The following UGT2A3 variants were observed in gnomAD, a reference collection of about 807,000 sequenced individuals.
The protein encoded by UGT2A3 is UDP-glucuronosyltransferase 2A3.
Under a neutral mutation model 44.1 loss-of-function variants are expected in UGT2A3, and 55 were observed. The observed-to-expected ratio is 1.25, with a 90% confidence interval of 1.00 to 1.56. The LOEUF is 1.56. Ranked by LOEUF, UGT2A3 falls within the 40% of genes most tolerant of loss-of-function variation. UGT2A3 has a pLI of 0.00. For synonymous variants in UGT2A3, 243 were observed against 215.1 expected (o/e 1.13, Z -1.13); for missense variants, 733 against 621.6 (o/e 1.18, Z -1.91).
intron 3 of UGT2A3, 100 bp from the exon 4 acceptor site, chr4:68,931,342 G>A (rs1195411810): frequency 1.6e-5 from 15 of 947,148 alleles, no homozygotes; most frequent in Non-Finnish European, 2.4e-5. Context: ...TGTACTTCAG[G>A]TGATGGTTGA....
intron 2 of UGT2A3, among the ~76,000 whole-genome samples, chr4:68,936,888 CAAAAAAAAAAAA>C: frequency 4.3e-5 from 2 of 46,340 alleles, no homozygotes; most frequent in South Asian, 2.5e-3. Context: ...AAATGGAAAG[CAAAAAAAAAAAA>C]AAAAAAAAAG....
intron 2 of UGT2A3, among the ~76,000 whole-genome samples, chr4:68,944,173 G>A (rs1481283195): frequency 4.6e-5 from 7 of 151,800 alleles, no homozygotes; most frequent in African/African-American, 1.7e-4. Flanking sequence ...ATCTGGCCTT[G>A]TCAGGGTTTC....
At chr4:68,936,189 T>C (rs1187936775) in intron 2 of UGT2A3, among the ~76,000 whole-genome samples, 1 of 152,010 alleles carries the variant, frequency 6.6e-6, no homozygotes, top group Non-Finnish European at 1.5e-5. Context: ...CAGGCCAACA[T>C]TCAAATTCAG....
At chr4:68,939,949 G>A (rs973245602) in intron 2 of UGT2A3, among the ~76,000 whole-genome samples, 2 of 152,168 alleles carry the variant, frequency 1.3e-5, no homozygotes, top group Non-Finnish European at 2.9e-5. Flanking sequence ...ATGAAAAAAT[G>A]CTCATCATCA....
intron 2 of UGT2A3, among the ~76,000 whole-genome samples, chr4:68,938,182 G>A (rs1196378243): frequency 2.0e-5 from 3 of 152,066 alleles, no homozygotes; most frequent in African/African-American, 7.2e-5. Context: ...TAGAAAAAGA[G>A]AGAATCCTCC....
intron 1 of UGT2A3, among the ~76,000 whole-genome samples, chr4:68,946,029 A>G (rs940553196): frequency 5.9e-5 from 9 of 151,564 alleles, no homozygotes; most frequent in African/African-American, 1.9e-4. Context: ...ATTAGGAGAA[A>G]TTCCTTTACT....
chr4:68,931,274 G>T (rs774205446), intron 3 of UGT2A3, 32 bp from the exon 4 acceptor site: 3 of 1,512,424 alleles, frequency 2.0e-6, no homozygotes, highest in Non-Finnish European at 2.8e-6. Context: ...TTCACAGAGT[G>T]AACCACAGGA....
intron 1 of UGT2A3, among the ~76,000 whole-genome samples, chr4:68,946,311 G>A (rs1718383136): frequency 6.6e-6 from 1 of 151,612 alleles, no homozygotes; most frequent in South Asian, 2.1e-4. Context: ...ATCAAAGTTG[G>A]TGGTGTTATA....
At chr4:68,941,741 A>G (rs1718193974) in intron 2 of UGT2A3, among the ~76,000 whole-genome samples, 1 of 152,066 alleles carries the variant, frequency 6.6e-6, no homozygotes, top group Non-Finnish European at 1.5e-5. Context: ...TGAATCTGAC[A>G]ATAAGTTACC....
At chr4:68,948,945 A>G (rs1218397005) in intron 1 of UGT2A3, among the ~76,000 whole-genome samples, 4 of 151,842 alleles carry the variant, frequency 2.6e-5, no homozygotes, top group East Asian at 2.0e-4. Flanking sequence ...TCCTCCACTC[A>G]TTGAAGAAGA....
intron 1 of UGT2A3, among the ~76,000 whole-genome samples, chr4:68,948,900 G>A (rs1718480859): frequency 6.6e-6 from 1 of 151,774 alleles, no homozygotes; most frequent in Admixed American, 6.6e-5. Context: ...AAGAGGCATG[G>A]CACCAACATC....
intron 1 of UGT2A3, among the ~76,000 whole-genome samples, chr4:68,946,288 C>T (rs1268716297): frequency 6.6e-6 from 1 of 151,696 alleles, no homozygotes; most frequent in African/African-American, 2.4e-5. Context: ...ATTTGTTTCT[C>T]TTTAAAATTC....
rs1003567151 is a variant in UGT2A3 at position 68,928,682 on chromosome 4, A to G, written c.*1131T>C. 1 of 152,006 alleles carries G rather than the reference A, an allele frequency of 6.6e-6. No individual in the cohort carries two copies. Among genetic ancestry groups the G allele is most frequent in the African/African-American group, 2.4e-5 (1 of 41,446 alleles). 9.4% of individuals were successfully genotyped at this position (152,006 alleles called of 1,614,324 possible). On this transcript the variant is annotated 3_prime_UTR_variant, in exon 6 of 6. Transcript: ENST00000251566. The stretch of plus-strand genomic sequence containing the variant: ...TCACTAAGATTATATGACAGTAAAA[A>G]AATGAGAAGATTAACATATTTGCTT...
intron 2 of UGT2A3, among the ~76,000 whole-genome samples, chr4:68,943,022 G>A (rs1465260048): frequency 6.6e-6 from 1 of 151,574 alleles, no homozygotes; most frequent in Non-Finnish European, 1.5e-5. Context: ...TCTTAAACAT[G>A]TGCAATTATT....
chr4:68,932,569 A>G (rs1464057317), intron 3 of UGT2A3, 59 bp downstream of exon 3: 5 of 1,539,922 alleles, frequency 3.2e-6, no homozygotes, highest in Non-Finnish European at 4.4e-6. Context: ...AGACCCAAAT[A>G]AAACCATACT....
intron 5 of UGT2A3, 88 bp downstream of exon 5, chr4:68,930,458 A>G: frequency 8.0e-7 from 1 of 1,246,970 alleles, no homozygotes; most frequent in Non-Finnish European, 1.1e-6. Flanking sequence ...ATCCCTCAAC[A>G]TGTCTACCAG....
At chr4:68,948,559 CACCTG>C (rs1436138190) in intron 1 of UGT2A3, among the ~76,000 whole-genome samples, 1 of 150,946 alleles carries the variant, frequency 6.6e-6, no homozygotes, top group African/African-American at 2.4e-5. Flanking sequence ...GCCGTTCTCC[CACCTG>C]AGCCTCCCAA....
rs762505303 is a variant in UGT2A3 at position 68,951,726 on chromosome 4, A to G, written c.35T>C (p.Leu12Pro). ...ACAGCCAACACAGAAGAGCTGCAGG[A>G]GCAGAAATACCAAAGCTGACTTGTC... ...RSDKSALVFL[L>P]LQLFCVGCGF... The change falls in exon 1 of 6, where the codon CTC becomes CCC. Residue 12 changes from leucine (L) to proline (P), a missense_variant. Physicochemically the swap from Leu to Pro is moderately conservative, Grantham distance 98 (BLOSUM62 -3). Coordinates refer to ENST00000251566, the MANE Select transcript of UGT2A3 (RefSeq NM_024743.4). 1.9e-6 allele frequency: 3 copies of G among 1,604,022 alleles called. No individual in the cohort carries two copies. The highest frequency in any genetic ancestry group is 2.6e-6 in the Non-Finnish European group (3 of 1,175,352).
intron 1 of UGT2A3, among the ~76,000 whole-genome samples, chr4:68,950,157 C>T (rs1175157428): frequency 6.6e-6 from 1 of 151,790 alleles, no homozygotes; most frequent in Non-Finnish European, 1.5e-5. Context: ...ATCCATAAAG[C>T]CTGGTAGGCT....
Sources: allele counts gnomAD v4.1 joint callset (sites outside exome capture counted in the v4.1 genomes callset), GRCh38; gene constraint gnomAD v4.1.1; transcripts MANE v1.5; gene names NCBI Gene and HGNC (gene_info 2026-07-23, HGNC 2026-07-21).